Variants in PNPLA4 observed in about 807,000 individuals in gnomAD.
PNPLA4 encodes patatin-like phospholipase domain-containing protein 4.
A neutral mutation model predicts 18.3 loss-of-function variants in PNPLA4; 15 were observed. That is an observed-to-expected ratio of 0.82 (90% CI 0.55 to 1.26). The LOEUF is 1.26. PNPLA4 is among the 50% of genes most tolerant of loss of function. The pLI is 0.00. For missense variants in PNPLA4, 229 were observed against 196.8 expected (o/e 1.16, Z -0.98); for synonymous variants, 88 against 85.6 (o/e 1.03, Z -0.16).
chrX:7,921,876 C>T (rs1424612922), intron 3 of PNPLA4, 28 bp from the exon 4 acceptor site: 2 of 1,182,149 alleles, frequency 1.7e-6, no homozygotes, highest in East Asian at 3.0e-5. Context: ...ATCTGAATTA[C>T]TCACCTTTAA....
At chrX:7,924,187 C>G (rs766639013) in intron 2 of PNPLA4, among the ~76,000 whole-genome samples, 1 of 112,006 alleles carries the variant, frequency 8.9e-6, no homozygotes, top group Non-Finnish European at 1.9e-5. Flanking sequence ...GCATTGAGCT[C>G]TTCCACATCA....
intron 6 of PNPLA4, among the ~76,000 whole-genome samples, 171 bp downstream of exon 6, chrX:7,901,818 C>T (rs1476469338): frequency 9.0e-6 from 1 of 111,142 alleles, no homozygotes; most frequent in African/African-American, 3.3e-5. Context: ...AAATTAGCCC[C>T]GTTCCTATGG....
Position 7,900,335 on chromosome X carries a change from G to A in PNPLA4, c.*351C>T, listed in dbSNP as rs112085385. The A allele has an allele frequency of 6.3e-3, 774 of 123,840 alleles. 7 individuals carry two copies. Among genetic ancestry groups the A allele is most frequent in the African/African-American group, 0.024 (729 of 30,857 alleles). The allele number at this position is 123,840 out of a possible 1,213,427, so 10.2% of individuals were successfully genotyped here. On this transcript the variant is annotated 3_prime_UTR_variant, in exon 7 of 7. Coordinates refer to ENST00000381042, the MANE Select transcript of PNPLA4 (RefSeq NM_004650.3). Reference sequence around the variant, plus strand: ...AGTCACGGAAACACCCATGCTTCACGTCAAGATCATGCCACATATTCTCCA... The same window carrying A: ...AGTCACGGAAACACCCATGCTTCACATCAAGATCATGCCACATATTCTCCA...
At chrX:7,920,087 C>G (rs149137607) in intron 4 of PNPLA4, among the ~76,000 whole-genome samples, 181 of 111,368 alleles carry the variant, frequency 1.6e-3, no homozygotes, top group African/African-American at 5.7e-3. Context: ...CTGAACAGGA[C>G]AGCAGTAAAA....
chrX:7,921,133 G>A (rs1015631299), intron 4 of PNPLA4, among the ~76,000 whole-genome samples: 9 of 111,291 alleles, frequency 8.1e-5, no homozygotes, highest in African/African-American at 2.6e-4. Flanking sequence ...AGGTGGACAT[G>A]GTGGTACGTG....
At chrX:7,923,837 C>T (rs1924309955) in intron 2 of PNPLA4, among the ~76,000 whole-genome samples, 1 of 110,836 alleles carries the variant, frequency 9.0e-6, no homozygotes, top group Non-Finnish European at 1.9e-5. Flanking sequence ...CACAGACAGC[C>T]CCTGCCCCGG....
At chrX:7,925,898 A>G (rs754784429) in intron 2 of PNPLA4, 42 bp downstream of exon 2, 2 of 1,142,663 alleles carry the variant, frequency 1.8e-6, no homozygotes, top group East Asian at 6.0e-5. Context: ...TTGGGTCTTA[A>G]TTTCTTGATG....
intron 2 of PNPLA4, among the ~76,000 whole-genome samples, chrX:7,924,408 G>T (rs1924327517): frequency 8.9e-6 from 1 of 112,307 alleles, no homozygotes; most frequent in Non-Finnish European, 1.9e-5. Flanking sequence ...CCTACAAGTG[G>T]ATTATTTCAG....
At chrX:7,909,287 C>T (rs1923800625) in intron 5 of PNPLA4, among the ~76,000 whole-genome samples, 1 of 111,850 alleles carries the variant, frequency 8.9e-6, no homozygotes, top group East Asian at 2.8e-4. Flanking sequence ...AGGCTGGGCA[C>T]GGTGGCTCAC....
chrX:7,902,693 G>T (rs1923576079), intron 5 of PNPLA4, among the ~76,000 whole-genome samples: 1 of 111,952 alleles, frequency 8.9e-6, no homozygotes, highest in Non-Finnish European at 1.9e-5. Flanking sequence ...GTGCTCTCAA[G>T]CCCACCGCAA....
At chrX:7,907,711 G>A (rs1377111545) in intron 5 of PNPLA4, among the ~76,000 whole-genome samples, 1 of 110,218 alleles carries the variant, frequency 9.1e-6, no homozygotes, top group African/African-American at 3.3e-5. Context: ...TTTTTAAAAA[G>A]CAGTTTTCTT....
In PNPLA4 at chrX:7,925,928, C is replaced by G. The variant is rs200781549; in HGVS notation, c.180+12G>C. 1.5e-4 allele frequency: 180 copies of G among 1,198,880 alleles called. No individual in the cohort carries two copies. Among genetic ancestry groups the G allele is most frequent in the Non-Finnish European group, 2.0e-4 (176 of 886,702 alleles). On this transcript the variant is annotated intron_variant, in intron 2 of 6. Coordinates refer to ENST00000381042, the MANE Select transcript of PNPLA4 (RefSeq NM_004650.3). Reference sequence around the variant, plus strand: ...TTGATGAGGAACACAGCCTAAGTTACTACTTAATTACCTCTATTTTTTCTG... The same window carrying G: ...TTGATGAGGAACACAGCCTAAGTTAGTACTTAATTACCTCTATTTTTTCTG...
intron 2 of PNPLA4, 101 bp from the exon 3 acceptor site, chrX:7,922,199 G>C: frequency 1.7e-6 from 1 of 600,997 alleles, no homozygotes; most frequent in South Asian, 2.6e-5. Context: ...CAAATGTAGG[G>C]TGTCATGTTA....
rs768781777 is a variant in PNPLA4, at chrX:7,900,688, A to G, written c.760T>C (p.Ter254GlnextTer3). ...KFLLKENWFE[*>Q] is the part of the protein sequence containing the mutation. ...TGCATTATAAACTTTTATGCATTTTATTCAAACCAATTTTCTTTAAGTAAA... is the reference window on the plus strand; with the variant it reads ...TGCATTATAAACTTTTATGCATTTTGTTCAAACCAATTTTCTTTAAGTAAA... Residue 254 changes from the stop codon to glutamine (Q), a stop_lost, in exon 7 of 7, where the codon TAA (stop) becomes CAA (glutamine). Transcript: ENST00000381042. 1 of 1,137,952 alleles carries G rather than the reference A, an allele frequency of 8.8e-7. No homozygotes were observed. Among genetic ancestry groups the G allele is most frequent in the East Asian group, 3.0e-5 (1 of 32,919 alleles). 93.8% of individuals were successfully genotyped at this position (1,137,952 alleles called of 1,213,427 possible). A position where few individuals can be genotyped will look rare whatever the true frequency, so the allele number is the denominator to read the frequency against.
chrX:7,925,946 T>C lies in PNPLA4; in HGVS notation c.174A>G (p.Lys58=), dbSNP rs772230560. 3.3e-6 allele frequency: 4 copies of C among 1,208,937 alleles called. No homozygotes were observed. The highest frequency in any genetic ancestry group is 4.5e-6 in the Non-Finnish European group (4 of 893,622). Reference sequence around the variant, plus strand: ...TAAGTTACTACTTAATTACCTCTATTTTTTCTGGTGCTGTTAGCAGAACAG... The same window carrying C: ...TAAGTTACTACTTAATTACCTCTATCTTTTCTGGTGCTGTTAGCAGAACAG... ...VASVLLTAPE[K]IEECNQFTYK... Residue 58 remains lysine (K), a synonymous_variant, in exon 2 of 7, where the codon AAA becomes AAG. Transcript: ENST00000381042.
intron 5 of PNPLA4, among the ~76,000 whole-genome samples, chrX:7,911,175 AT>A (rs1193545420): frequency 1.8e-5 from 2 of 112,317 alleles, no homozygotes; most frequent in Non-Finnish European, 3.8e-5. Flanking sequence ...TATAAAATAC[AT>A]ATCTCTGGTG....
chrX:7,922,004 C>T lies in PNPLA4; in HGVS notation c.275G>A (p.Arg92Lys). ...TPGYDFMARLRSGMESILPPS... is the reference protein window; with the variant it reads ...TPGYDFMARLKSGMESILPPS... ...TTTGGGCAAAATGTACTCTGTATACCTTAGTCGGGCCATGAAGTCATAACC... is the reference window on the plus strand; with the variant it reads ...TTTGGGCAAAATGTACTCTGTATACTTTAGTCGGGCCATGAAGTCATAACC... Residue 92 changes from arginine to lysine, a missense_variant and splice_region_variant, in exon 3 of 7, where the codon AGA becomes AAA. Coordinates refer to ENST00000381042, the MANE Select transcript of PNPLA4 (RefSeq NM_004650.3). 8.4e-7 allele frequency: 1 copy of T among 1,197,004 alleles called. No individual in the cohort carries two copies. The highest frequency in any genetic ancestry group is 2.2e-5 in the Admixed American group (1 of 45,962).
Position 7,922,059 on chromosome X carries a change from T to C in PNPLA4, c.220A>G (p.Arg74Gly). ...QFTYKFAEEI[R>G]RQSFGAVTPG... The stretch of plus-strand genomic sequence containing the variant: ...GTTACTGCCCCGAAAGACTGCCTTC[T>C]GATTTCTTCGGCAAACTTGTAGGTA... Residue 74 changes from arginine (R) to glycine (G), a missense_variant, in exon 3 of 7, where the codon AGA (arginine) becomes GGA (glycine). Arg to Gly is a moderately radical substitution (Grantham distance 125). Transcript: ENST00000381042. 8.3e-7 allele frequency: 1 copy of C among 1,209,267 alleles called. No individual in the cohort carries two copies. Among genetic ancestry groups the C allele is most frequent in the Non-Finnish European group, 1.1e-6 (1 of 893,456 alleles).
In PNPLA4 at chrX:7,898,939, A is replaced by C. The variant is rs1402955941; in HGVS notation, c.*1747T>G. On this transcript the variant is annotated 3_prime_UTR_variant, in exon 7 of 7. Transcript: ENST00000381042. The stretch of plus-strand genomic sequence containing the variant: ...TTATTGAAATACAGTGTATCATACA[A>C]ATAGAATATTCACATGAAATGATCA... 8.9e-6 allele frequency: 1 copy of C among 112,103 alleles called. No individual in the cohort carries two copies. The highest frequency in any genetic ancestry group is 1.9e-5 in the Non-Finnish European group (1 of 53,211). The allele number at this position is 112,103 out of a possible 1,213,427, so 9.2% of individuals were successfully genotyped here. A position where few individuals can be genotyped will look rare whatever the true frequency, so the allele number is the denominator to read the frequency against.
Sources: allele counts gnomAD v4.1 joint callset (sites outside exome capture counted in the v4.1 genomes callset), GRCh38; gene constraint gnomAD v4.1.1; transcripts MANE v1.5; gene names NCBI Gene and HGNC (gene_info 2026-07-23, HGNC 2026-07-21).